AFF1: variants seen among roughly 807,000 people sequenced by gnomAD.
The protein encoded by AFF1 is AF4/FMR2 family member 1.
A neutral mutation model predicts 121.7 loss-of-function variants in AFF1; 48 were observed. That is an observed-to-expected ratio of 0.39 (90% CI 0.31 to 0.50). The LOEUF is 0.50. AFF1 is among the 20% of genes least tolerant of loss of function. The probability of loss-of-function intolerance (pLI) is 0.76; values close to 1 mark genes in which losing one functional copy is unlikely to be tolerated. For synonymous variants in AFF1, 613 were observed against 563.0 expected, an observed-to-expected ratio of 1.09 and a Z score of -1.26; for missense variants, 1,523 against 1,511.7, an observed-to-expected ratio of 1.01 and a Z score of -0.12.
chr4:87,010,731 C>A (rs1027250570), intron 2 of AFF1, among the ~76,000 whole-genome samples: 1 of 152,146 alleles, frequency 6.6e-6, no homozygotes, highest in African/African-American at 2.4e-5. Context: ...TGAAGCAGAT[C>A]CCTGAATTCT....
intron 7 of AFF1, among the ~76,000 whole-genome samples, chr4:87,092,666 C>T (rs1724435161): frequency 6.6e-6 from 1 of 152,054 alleles, no homozygotes. Context: ...TATTTATTGT[C>T]TGGCCTCTGT....
intron 4 of AFF1, among the ~76,000 whole-genome samples, chr4:87,079,019 A>G (rs1722927838): frequency 6.6e-6 from 1 of 152,150 alleles, no homozygotes; most frequent in South Asian, 2.1e-4. Flanking sequence ...ACCTTCTCAC[A>G]ATGAGGAAAT....
At chr4:87,027,764 T>C (rs896325658) in intron 2 of AFF1, among the ~76,000 whole-genome samples, 3 of 151,672 alleles carry the variant, frequency 2.0e-5, no homozygotes, top group Non-Finnish European at 4.4e-5. Context: ...TCTGAAACTT[T>C]TTGTTGTTGT....
chr4:86,966,431 A>G (rs1722545208), intron 2 of AFF1, among the ~76,000 whole-genome samples: 1 of 151,954 alleles, frequency 6.6e-6, no homozygotes, highest in Non-Finnish European at 1.5e-5. Context: ...TTCTTTTTAT[A>G]CTATGGATTT....
At chr4:87,031,349 A>G (rs2149583600) in intron 2 of AFF1, among the ~76,000 whole-genome samples, 1 of 152,204 alleles carries the variant, frequency 6.6e-6, no homozygotes, top group East Asian at 1.9e-4. Context: ...AATTAATTAA[A>G]TCACCCCAGG....
At chr4:87,062,014 A>G (rs1338057070) in intron 4 of AFF1, among the ~76,000 whole-genome samples, 1 of 152,156 alleles carries the variant, frequency 6.6e-6, no homozygotes, top group Non-Finnish European at 1.5e-5. Flanking sequence ...CAAAATACTA[A>G]CAAGGTTAGT....
intron 2 of AFF1, among the ~76,000 whole-genome samples, chr4:86,966,446 T>C (rs1722546657): frequency 6.6e-6 from 1 of 152,164 alleles, no homozygotes. Flanking sequence ...GGATTTTCTC[T>C]GTATAATCTT....
intron 2 of AFF1, among the ~76,000 whole-genome samples, chr4:87,005,259 G>A (rs1223258924): frequency 1.3e-5 from 2 of 152,202 alleles, no homozygotes; most frequent in African/African-American, 2.4e-5. Flanking sequence ...GATTACAGGC[G>A]TGAGCCACTG....
intron 2 of AFF1, among the ~76,000 whole-genome samples, chr4:87,009,734 A>G (rs755315228): frequency 6.6e-6 from 1 of 152,230 alleles, no homozygotes; most frequent in Non-Finnish European, 1.5e-5. Context: ...GATTCAAGAT[A>G]TTTTGGGATT....
intron 8 of AFF1, among the ~76,000 whole-genome samples, chr4:87,096,325 A>T (rs1578241096): frequency 2.6e-5 from 3 of 114,966 alleles, no homozygotes; most frequent in South Asian, 2.8e-4. Context: ...TTTTTTGGAG[A>T]CAGGGTCTTG....
At chr4:86,956,234 A>C (rs1721729009) in intron 2 of AFF1, among the ~76,000 whole-genome samples, 1 of 152,230 alleles carries the variant, frequency 6.6e-6, no homozygotes. Context: ...TTGCTAACTG[A>C]TAAGTATGTG....
chr4:86,939,544 G>A (rs772177709), intron 1 of AFF1, among the ~76,000 whole-genome samples: 1 of 152,196 alleles, frequency 6.6e-6, no homozygotes, highest in Non-Finnish European at 1.5e-5. Flanking sequence ...ATTTGCACTA[G>A]ATAAGAATCC....
At chr4:87,005,477 T>C (rs886188559) in intron 2 of AFF1, among the ~76,000 whole-genome samples, 2 of 152,212 alleles carry the variant, frequency 1.3e-5, no homozygotes, top group Non-Finnish European at 2.9e-5. Context: ...ATAAGTACTG[T>C]CAATTGTTTT....
At chr4:87,074,026 G>A (rs1315252503) in intron 4 of AFF1, among the ~76,000 whole-genome samples, 1 of 151,884 alleles carries the variant, frequency 6.6e-6, no homozygotes, top group Non-Finnish European at 1.5e-5. Context: ...GTGGGTGCAG[G>A]GCAGGAAGCA....
chr4:87,053,093 A>G (rs1270144212), intron 4 of AFF1, among the ~76,000 whole-genome samples: 1 of 152,206 alleles, frequency 6.6e-6, no homozygotes. Context: ...AGAACTGAAA[A>G]TAATTTGGGA....
chr4:87,134,445 GT>G, intron 19 of AFF1, 25 bp from the exon 20 acceptor site: 1 of 1,557,084 alleles, frequency 6.4e-7, no homozygotes, highest in Non-Finnish European at 8.7e-7. Flanking sequence ...TGACTGATCA[GT>G]TATCTCTTCT....
At chr4:86,978,176 A>ATTTTTTTTTTTTTTTT (rs1723449569) in intron 2 of AFF1, among the ~76,000 whole-genome samples, 2 of 22,654 alleles carry the variant, frequency 8.8e-5, no homozygotes, top group Non-Finnish European at 2.3e-4. Context: ...CATTACATTC[A>ATTTTTTTTTTTTTTTT]CTTTTTTTTT....
chr4:87,009,304 C>A (rs772126542), intron 2 of AFF1, among the ~76,000 whole-genome samples: 1 of 152,220 alleles, frequency 6.6e-6, no homozygotes, highest in Non-Finnish European at 1.5e-5. Context: ...GACTCCAGAT[C>A]TGCTTTGCAC....
At position 87,131,066 on chromosome 4, in the gene AFF1, A is replaced by G; in HGVS notation, c.2965-17A>G. On this transcript the variant is annotated splice_polypyrimidine_tract_variant and intron_variant, in intron 16 of 20. Coordinates refer to ENST00000395146, the MANE Select transcript of AFF1 (RefSeq NM_001166693.3). ...GTTTGTCTTCAGCCTAACAATGACC[A>G]TGTTCTTCTCCTGCAGACGGACAGG... 1 of 1,613,274 alleles carries G rather than the reference A, an allele frequency of 6.2e-7. No homozygotes were observed. Among genetic ancestry groups the G allele is most frequent in the Non-Finnish European group, 8.5e-7 (1 of 1,179,710 alleles).
Sources: gnomAD v4.1 joint callset for allele counts (sites outside exome capture counted in the v4.1 genomes callset) on GRCh38, gnomAD v4.1.1 for gene constraint, MANE v1.5 for transcripts, NCBI Gene and HGNC (gene_info 2026-07-23, HGNC 2026-07-21) for gene names.